Variants in RIN3 observed in about 807,000 individuals in gnomAD.
The protein encoded by RIN3 is Ras and Rab interactor 3, also known as RAB5 interacting protein 3.
A neutral mutation model predicts 76.3 loss-of-function variants in RIN3; 54 were observed. That is an observed-to-expected ratio of 0.71 (90% CI 0.57 to 0.89). RIN3 has a LOEUF of 0.89. RIN3 is among the 40% of genes least tolerant of loss of function. The pLI, the probability that RIN3 is intolerant of heterozygous loss-of-function variation, is 0.00. For missense variants in RIN3, 1,256 were observed against 1,322.1 expected (o/e 0.95, Z 0.78); for synonymous variants, 576 against 564.0 (o/e 1.02, Z -0.30).
At chr14:92,628,800 T>A (rs1374869024) in intron 4 of RIN3, among the ~76,000 whole-genome samples, 1 of 152,170 alleles carries the variant, frequency 6.6e-6, no homozygotes, top group Non-Finnish European at 1.5e-5. Flanking sequence ...ATATTTTTTT[T>A]AAAAAAAAGA....
chr14:92,676,587 C>G lies in RIN3; in HGVS notation c.2448C>G (p.Pro816=), dbSNP rs767312734. 6.2e-7 allele frequency: 1 copy of G among 1,613,684 alleles called. No homozygotes were observed. The highest frequency in any genetic ancestry group is 1.1e-5 in the South Asian group (1 of 91,082). ...AGTACATGATGGAGCTCATGGACCC[C>G]GCCCTGCAGCTGGGGGAGGGTGAGT... ...NVEYMMELMD[P]ALQLGEGSYY... The change falls in exon 8 of 10, where the codon CCC becomes CCG. Residue 816 remains proline (P), a synonymous_variant. Coordinates refer to ENST00000216487, the MANE Select transcript of RIN3 (RefSeq NM_024832.5).
chr14:92,586,804 C>T (rs1429806625), intron 3 of RIN3, among the ~76,000 whole-genome samples: 1 of 152,102 alleles, frequency 6.6e-6, no homozygotes, highest in African/African-American at 2.4e-5. Context: ...TTCGAACTGT[C>T]CTAAATGTTA....
At chr14:92,601,632 C>T (rs1885349289) in intron 3 of RIN3, among the ~76,000 whole-genome samples, 1 of 152,100 alleles carries the variant, frequency 6.6e-6, no homozygotes, top group African/African-American at 2.4e-5. Flanking sequence ...TGTTTTTTCT[C>T]AATGGGTCCA....
chr14:92,682,184 G>A (rs1392744817), intron 8 of RIN3, among the ~76,000 whole-genome samples: 1 of 152,186 alleles, frequency 6.6e-6, no homozygotes, highest in Non-Finnish European at 1.5e-5. Context: ...ACCACACCCA[G>A]CCATCTCTTT....
chr14:92,670,163 C>T (rs943648677), intron 7 of RIN3, among the ~76,000 whole-genome samples: 5 of 152,112 alleles, frequency 3.3e-5, no homozygotes, highest in Admixed American at 2.6e-4. Context: ...AGCTGAGCAC[C>T]TCTTCAGCTC....
chr14:92,545,582 C>CTTTT (rs11324822), intron 1 of RIN3, among the ~76,000 whole-genome samples: 1 of 114,710 alleles, frequency 8.7e-6, no homozygotes, highest in African/African-American at 3.2e-5. Flanking sequence ...TTTTCTTTTT[C>CTTTT]TTTTTTTTTT....
intron 7 of RIN3, among the ~76,000 whole-genome samples, chr14:92,674,263 G>T (rs75921821): frequency 6.6e-6 from 1 of 152,168 alleles, no homozygotes; most frequent in Non-Finnish European, 1.5e-5. Context: ...CCTTCACACC[G>T]CGCCTCTCAG....
intron 5 of RIN3, among the ~76,000 whole-genome samples, chr14:92,649,071 C>A (rs1183568247): frequency 6.6e-6 from 1 of 152,004 alleles, no homozygotes; most frequent in East Asian, 1.9e-4. Flanking sequence ...GACTGGAATG[C>A]CAGGCTAAAG....
intron 2 of RIN3, among the ~76,000 whole-genome samples, chr14:92,575,077 T>A (rs1368366093): frequency 6.6e-6 from 1 of 152,174 alleles, no homozygotes; most frequent in Non-Finnish European, 1.5e-5. Flanking sequence ...AATGCACTAG[T>A]ATTTGGGTTT....
chr14:92,566,484 G>A (rs181396726), intron 2 of RIN3, among the ~76,000 whole-genome samples: 58 of 152,284 alleles, frequency 3.8e-4, no homozygotes, highest in Admixed American at 7.2e-4. Context: ...CTAGGAAAGG[G>A]GGTGAATGGC....
chr14:92,544,414 T>TGGGG (rs71123353), intron 1 of RIN3, among the ~76,000 whole-genome samples: 247 of 74,546 alleles, frequency 3.3e-3, no homozygotes, highest in Non-Finnish European at 4.0e-3. Flanking sequence ...GTGACAGCTG[T>TGGGG]GGGGGGGGGG....
chr14:92,537,171 A>G (rs1193531895), intron 1 of RIN3, among the ~76,000 whole-genome samples: 1 of 152,106 alleles, frequency 6.6e-6, no homozygotes, highest in East Asian at 1.9e-4. Context: ...ACAAGGGAGT[A>G]CAGTATACAT....
At chr14:92,533,666 A>G (rs950257276) in intron 1 of RIN3, among the ~76,000 whole-genome samples, 7 of 152,120 alleles carry the variant, frequency 4.6e-5, no homozygotes, top group African/African-American at 1.7e-4. Flanking sequence ...GAACTAAGCT[A>G]TGAGGATGCA....
intron 3 of RIN3, among the ~76,000 whole-genome samples, chr14:92,606,744 AG>A (rs1350976561): frequency 6.6e-6 from 1 of 152,252 alleles, no homozygotes; most frequent in African/African-American, 2.4e-5. Context: ...ATCATAAAAA[AG>A]ATGGACAATA....
intron 1 of RIN3, among the ~76,000 whole-genome samples, chr14:92,537,837 A>T (rs866255073): frequency 1.2e-4 from 14 of 120,860 alleles, no homozygotes; most frequent in South Asian, 5.0e-4. Context: ...ATTTTATTTT[A>T]TTTATTTTTT....
intron 4 of RIN3, among the ~76,000 whole-genome samples, chr14:92,634,068 C>CTTT (rs6145445): frequency 3.7e-5 from 4 of 108,140 alleles, no homozygotes; most frequent in Non-Finnish European, 7.9e-5. Flanking sequence ...CTAAAAATCC[C>CTTT]TTTTTTTTTT....
chr14:92,639,618 G>C (rs529784716), intron 4 of RIN3, among the ~76,000 whole-genome samples: 13 of 152,334 alleles, frequency 8.5e-5, no homozygotes, highest in Middle Eastern at 3.4e-3. Context: ...GTGTGAAACA[G>C]CCCTAGGCCA....
At chr14:92,523,784 C>T (rs544749004) in intron 1 of RIN3, among the ~76,000 whole-genome samples, 2 of 152,364 alleles carry the variant, frequency 1.3e-5, no homozygotes, top group Admixed American at 6.5e-5. Context: ...AGCCATGCCT[C>T]TTCCCCCAGC....
intron 2 of RIN3, among the ~76,000 whole-genome samples, chr14:92,562,389 G>A (rs1338869716): frequency 1.3e-5 from 2 of 152,182 alleles, no homozygotes; most frequent in East Asian, 1.9e-4. Context: ...GGCAGTCGGT[G>A]TGCTCAGCCC....
Sources: allele counts gnomAD v4.1 joint callset (sites outside exome capture counted in the v4.1 genomes callset), GRCh38; gene constraint gnomAD v4.1.1; transcripts MANE v1.5; gene names NCBI Gene and HGNC (gene_info 2026-07-23, HGNC 2026-07-21).